LINGO2: variants seen among roughly 807,000 people sequenced by gnomAD.
LINGO2 encodes leucine-rich repeat and immunoglobulin-like domain-containing nogo receptor-interacting protein 2.
A neutral mutation model predicts 30.6 loss-of-function variants in LINGO2; 14 were observed. The observed-to-expected ratio is 0.46, with a 90% confidence interval of 0.30 to 0.72. LINGO2 has a LOEUF of 0.72. Ranked by LOEUF, LINGO2 falls within the 30% of genes least tolerant of loss-of-function variation. LINGO2 has a pLI of 0.07. For missense variants in LINGO2, 729 were observed against 751.7 expected (o/e 0.97, Z 0.35); for synonymous variants, 317 against 288.5 (o/e 1.10, Z -1.00).
At chr9:28,026,360 A>G (rs1316497255) in intron 4 of LINGO2, among the ~76,000 whole-genome samples, 1 of 152,192 alleles carries the variant, frequency 6.6e-6, no homozygotes, top group Non-Finnish European at 1.5e-5. Flanking sequence ...AAGTTAGTGC[A>G]GTGGTTCTCA....
the LINGO2 span, among the ~76,000 whole-genome samples, chr9:29,006,449 G>T: frequency 2.3e-4 from 35 of 152,086 alleles, no homozygotes; most frequent in South Asian, 6.0e-3. Flanking sequence ...ATGTTTCTAA[G>T]TGTCTGGCAT....
chr9:28,761,760 T>C, the LINGO2 span, among the ~76,000 whole-genome samples: 507 of 152,086 alleles, frequency 3.3e-3, 2 homozygotes, highest in Non-Finnish European at 5.3e-3. Flanking sequence ...GGTAACACAA[T>C]TAGCTAACAC....
chr9:28,018,030 A>G (rs1822927859), intron 4 of LINGO2, among the ~76,000 whole-genome samples: 1 of 152,146 alleles, frequency 6.6e-6, no homozygotes, highest in Non-Finnish European at 1.5e-5. Flanking sequence ...ATGAAACAGA[A>G]TAGAGCGCCT....
At position 28,381,201 on chromosome 9, in the gene LINGO2, C is replaced by CA. The variant is rs201385357; in HGVS notation, c.-278-8334dup. On this transcript the variant is annotated intron_variant, in intron 2 of 5. Transcript: ENST00000379992. ...TGTGGAAGGTAACTTCAGAACAGAG[C>CA]AAAAAAAACAAAAAAACAAAAACAA... 6.0e-3 allele frequency among the ~76,000 whole-genome samples: 899 copies of CA among 150,108 alleles called. 7 individuals carry two copies. Among genetic ancestry groups the CA allele is most frequent in the Middle Eastern group, 0.024 (7 of 294 alleles).
chr9:29,146,374 C>CA, the LINGO2 span, among the ~76,000 whole-genome samples: 8 of 139,358 alleles, frequency 5.7e-5, no homozygotes, highest in Non-Finnish European at 7.8e-5. Context: ...AACAAACAAA[C>CA]AAAAAAAAAC....
chr9:28,650,212 A>C (rs1828033304), intron 1 of LINGO2, among the ~76,000 whole-genome samples: 1 of 152,148 alleles, frequency 6.6e-6, no homozygotes, highest in Admixed American at 6.5e-5. Flanking sequence ...AAAACAAAAC[A>C]AAAATTGTTC....
chr9:28,342,684 G>C (rs909047456), intron 3 of LINGO2, among the ~76,000 whole-genome samples: 3 of 151,994 alleles, frequency 2.0e-5, no homozygotes, highest in Non-Finnish European at 4.4e-5. Context: ...GTGGTGGGGA[G>C]GAGGACTGAA....
chr9:28,724,425 C>G, the LINGO2 span, among the ~76,000 whole-genome samples: 1 of 152,118 alleles, frequency 6.6e-6, no homozygotes, highest in African/African-American at 2.4e-5. Context: ...CAGCAACCTG[C>G]ATTAAAAAGT....
At chr9:28,712,203 C>A in the LINGO2 span, among the ~76,000 whole-genome samples, 1 of 152,064 alleles carries the variant, frequency 6.6e-6, no homozygotes, top group South Asian at 2.1e-4. Context: ...TCAGTAGTGA[C>A]ACATTTATAT....
the LINGO2 span, among the ~76,000 whole-genome samples, chr9:28,950,455 G>C: frequency 6.6e-6 from 1 of 152,068 alleles, no homozygotes; most frequent in Admixed American, 6.6e-5. Flanking sequence ...AAGTCAAATT[G>C]TCTCTGCTTG....
At chr9:28,212,699 ATAAAAT>A (rs1820633408) in intron 4 of LINGO2, among the ~76,000 whole-genome samples, 1 of 151,398 alleles carries the variant, frequency 6.6e-6, no homozygotes, top group Non-Finnish European at 1.5e-5. Context: ...TTTAAGATAA[ATAAAAT>A]TAAATAAAAT....
intron 1 of LINGO2, among the ~76,000 whole-genome samples, chr9:28,639,556 T>C (rs1827468804): frequency 6.6e-6 from 1 of 152,206 alleles, no homozygotes; most frequent in African/African-American, 2.4e-5. Flanking sequence ...GTTGAACTGA[T>C]CCCTTTACCA....
the LINGO2 span, among the ~76,000 whole-genome samples, chr9:29,009,992 A>G: frequency 1.3e-5 from 2 of 152,190 alleles, no homozygotes; most frequent in Non-Finnish European, 2.9e-5. Context: ...GAAAGCTGAA[A>G]CTGGATGCCT....
At chr9:28,933,399 T>G in the LINGO2 span, among the ~76,000 whole-genome samples, 1 of 152,242 alleles carries the variant, frequency 6.6e-6, no homozygotes, top group Non-Finnish European at 1.5e-5. Flanking sequence ...GCCAATCGCA[T>G]AAGAACTCTT....
At chr9:28,509,193 C>A (rs1011651025) in intron 1 of LINGO2, among the ~76,000 whole-genome samples, 1 of 152,118 alleles carries the variant, frequency 6.6e-6, no homozygotes. Context: ...CTGTAATTTA[C>A]AAAGCAATTC....
intron 2 of LINGO2, among the ~76,000 whole-genome samples, chr9:28,472,953 C>T (rs1201256756): frequency 6.6e-6 from 1 of 152,134 alleles, no homozygotes; most frequent in African/African-American, 2.4e-5. Flanking sequence ...AATGCATACA[C>T]AAGGATGGAA....
At chr9:28,502,426 C>T (rs887536674) in intron 1 of LINGO2, among the ~76,000 whole-genome samples, 1 of 152,028 alleles carries the variant, frequency 6.6e-6, no homozygotes, top group Non-Finnish European at 1.5e-5. Flanking sequence ...CCAGCTTAGA[C>T]CTTACTAATG....
chr9:29,203,740 C>T, the LINGO2 span, among the ~76,000 whole-genome samples: 1 of 152,150 alleles, frequency 6.6e-6, no homozygotes, highest in Non-Finnish European at 1.5e-5. Context: ...AATCCTCTTG[C>T]CTATTATCCA....
the LINGO2 span, among the ~76,000 whole-genome samples, chr9:29,195,065 C>CT: frequency 7.2e-6 from 1 of 138,740 alleles, no homozygotes; most frequent in Admixed American, 7.4e-5. Context: ...AAGCACTAAT[C>CT]TTTTTTCCAT....
Sources: allele counts gnomAD v4.1 joint callset (sites outside exome capture counted in the v4.1 genomes callset), GRCh38; gene constraint gnomAD v4.1.1; transcripts MANE v1.5; gene names NCBI Gene and HGNC (gene_info 2026-07-23, HGNC 2026-07-21).